The following TMEM108 variants were observed in gnomAD, a reference collection of about 807,000 sequenced individuals.
TMEM108 encodes the protein transmembrane protein 108.
Under a neutral mutation model 35.1 loss-of-function variants are expected in TMEM108, and 12 were observed. The ratio of observed to expected loss-of-function variants is 0.34; its 90% confidence interval spans 0.22 to 0.55. The LOEUF (loss-of-function observed/expected upper bound fraction) is 0.55, where lower values mean the gene tolerates loss of function less well. Among genes scored for constraint, TMEM108 ranks in the 20% least tolerant of loss-of-function variants. TMEM108 has a pLI of 0.89. For synonymous variants in TMEM108, 287 were observed against 308.6 expected, an observed-to-expected ratio of 0.93 and a Z score of 0.73; for missense variants, 680 against 753.3, an observed-to-expected ratio of 0.90 and a Z score of 1.14.
At position 133,150,342 on chromosome 3, in the gene TMEM108, G is replaced by GTTTTTTT. The variant is rs10663538; in HGVS notation, c.-46-78914_-46-78908dup. ...CCATTTAAAAAAATCAGGTTATTTG[G>GTTTTTTT]TTTTTTTTTTTTTTTTGCAATTGAG... On this transcript the variant is annotated intron_variant, in intron 2 of 5. Coordinates refer to ENST00000321871, the MANE Select transcript of TMEM108 (RefSeq NM_023943.4). Among the ~76,000 whole-genome samples the GTTTTTTT allele has an allele frequency of 5.4e-3, 588 of 109,616 alleles. 34 individuals carry two copies. The highest frequency in any genetic ancestry group is 0.018 in the African/African-American group (485 of 27,256). The allele number at this position is 109,616 out of a possible 152,430, so 71.9% of individuals were successfully genotyped here. A position where few individuals can be genotyped will look rare whatever the true frequency, so the allele number is the denominator to read the frequency against.
chr3:133,154,971 A>G (rs995754260), intron 2 of TMEM108, among the ~76,000 whole-genome samples: 3 of 152,124 alleles, frequency 2.0e-5, no homozygotes, highest in African/African-American at 7.2e-5. Flanking sequence ...ACACTATTTC[A>G]TCACCTGGGT....
At chr3:133,268,766 T>A (rs996995114) in intron 3 of TMEM108, among the ~76,000 whole-genome samples, 8 of 152,258 alleles carry the variant, frequency 5.3e-5, no homozygotes, top group African/African-American at 1.9e-4. Flanking sequence ...TGTCTCAGAG[T>A]CTGAAGAACA....
chr3:133,111,320 A>G (rs1420471957), intron 2 of TMEM108, among the ~76,000 whole-genome samples: 1 of 152,148 alleles, frequency 6.6e-6, no homozygotes, highest in African/African-American at 2.4e-5. Context: ...TAAATGGCAG[A>G]GTTGATATTT....
intron 3 of TMEM108, among the ~76,000 whole-genome samples, chr3:133,310,530 C>CTTTTTTTTTTTTTTTTTTTTTTTTTT (rs59215786): frequency 4.5e-5 from 1 of 22,212 alleles, no homozygotes; most frequent in Non-Finnish European, 8.2e-5. Context: ...GCAACCCCTG[C>CTTTTTTTTTTTTTTTTTTTTTTTTTT]TTTTTTTTTT....
chr3:133,115,799 A>G (rs1944281071), intron 2 of TMEM108, among the ~76,000 whole-genome samples: 1 of 152,216 alleles, frequency 6.6e-6, no homozygotes, highest in South Asian at 2.1e-4. Context: ...TATTTCACAT[A>G]ACATCATTAG....
intron 3 of TMEM108, among the ~76,000 whole-genome samples, chr3:133,335,380 A>G (rs1460219764): frequency 6.6e-6 from 1 of 152,240 alleles, no homozygotes; most frequent in Non-Finnish European, 1.5e-5. Context: ...TAGTGGCACT[A>G]TTAATATTGG....
intron 2 of TMEM108, among the ~76,000 whole-genome samples, chr3:133,146,060 G>C (rs1944715108): frequency 6.6e-6 from 1 of 152,338 alleles, no homozygotes; most frequent in South Asian, 2.1e-4. Context: ...CAAAGGGAAT[G>C]CTTCCAACTT....
At chr3:133,365,873 T>C (rs1288578469) in intron 3 of TMEM108, among the ~76,000 whole-genome samples, 1 of 152,102 alleles carries the variant, frequency 6.6e-6, no homozygotes, top group Non-Finnish European at 1.5e-5. Context: ...AGCCCTTTAA[T>C]CAGGTGATGA....
chr3:133,080,579 A>G (rs1357021), intron 2 of TMEM108, among the ~76,000 whole-genome samples: 95,197 of 151,460 alleles, frequency 0.63, 30,482 homozygotes, highest in African/African-American at 0.76. Context: ...TAATGATCCT[A>G]TATACCTTTC....
chr3:133,056,364 T>G lies in TMEM108; in HGVS notation c.-47+10344T>G, dbSNP rs143387399. Among the ~76,000 whole-genome samples, 362 of 152,302 alleles carry G rather than the reference T, an allele frequency of 2.4e-3. 3 individuals are homozygous for G. Among genetic ancestry groups the G allele is most frequent in the African/African-American group, 8.2e-3 (341 of 41,544 alleles). On this transcript the variant is annotated intron_variant, in intron 2 of 5. Coordinates refer to ENST00000321871, the MANE Select transcript of TMEM108 (RefSeq NM_023943.4). ...ATAGACTTTGAGTCCTGTGGCCAGA[T>G]AGATCTGCATTTCTATCCTGTCCCT...
chr3:133,233,295 T>C (rs1405909621), intron 3 of TMEM108, among the ~76,000 whole-genome samples: 3 of 152,162 alleles, frequency 2.0e-5, no homozygotes, highest in African/African-American at 7.2e-5. Context: ...CAGTGTTTGG[T>C]TTTTTGTTCT....
intron 2 of TMEM108, among the ~76,000 whole-genome samples, chr3:133,125,732 A>G (rs1944406862): frequency 6.6e-6 from 1 of 152,206 alleles, no homozygotes; most frequent in East Asian, 1.9e-4. Context: ...TAAATTTATC[A>G]TTTGCCATAT....
intron 2 of TMEM108, among the ~76,000 whole-genome samples, chr3:133,228,192 A>AC (rs1026026408): frequency 3.6e-4 from 55 of 152,026 alleles, no homozygotes; most frequent in Admixed American, 1.9e-3. Context: ...ATCTCAGTAA[A>AC]AAAAAAAAAA....
At chr3:133,379,641 C>A in intron 3 of TMEM108, 111 bp from the exon 4 acceptor site, 2 of 1,055,264 alleles carry the variant, frequency 1.9e-6, no homozygotes, top group Non-Finnish European at 2.8e-6. Context: ...CTCAGGAATG[C>A]TCCTGACGTT....
At chr3:133,264,551 C>T (rs1946670938) in intron 3 of TMEM108, among the ~76,000 whole-genome samples, 1 of 152,166 alleles carries the variant, frequency 6.6e-6, no homozygotes. Context: ...GCAAAGATAG[C>T]ATCATTCCTC....
chr3:133,378,506 C>T (rs1481000389), intron 3 of TMEM108: 2 of 985,404 alleles, frequency 2.0e-6, no homozygotes, highest in East Asian at 2.3e-4. Context: ...GCTGAAGGAA[C>T]TGCCTGAGGA....
chr3:133,372,949 A>G (rs1353886114), intron 3 of TMEM108, among the ~76,000 whole-genome samples: 1 of 152,202 alleles, frequency 6.6e-6, no homozygotes, highest in Non-Finnish European at 1.5e-5. Context: ...AGTGATACAT[A>G]TTTATTTTTG....
At chr3:133,048,858 T>C (rs1943370091) in intron 2 of TMEM108, among the ~76,000 whole-genome samples, 3 of 152,160 alleles carry the variant, frequency 2.0e-5, no homozygotes, top group African/African-American at 7.2e-5. Context: ...AAGCTCCACT[T>C]TGTTAGGAGT....
At chr3:133,332,354 C>A (rs1002453166) in intron 3 of TMEM108, among the ~76,000 whole-genome samples, 1 of 152,162 alleles carries the variant, frequency 6.6e-6, no homozygotes, top group Non-Finnish European at 1.5e-5. Flanking sequence ...AACAGCCACT[C>A]CTCATATTAG....
Sources: gnomAD v4.1 joint callset for allele counts (sites outside exome capture counted in the v4.1 genomes callset) on GRCh38, gnomAD v4.1.1 for gene constraint, MANE v1.5 for transcripts, NCBI Gene and HGNC (gene_info 2026-07-23, HGNC 2026-07-21) for gene names.